Variants in CCDC93 observed in about 807,000 individuals in gnomAD.
CCDC93 encodes the protein CCC complex scaffolding subunit CCDC93, also known as coiled-coil domain-containing protein 93.
A neutral mutation model predicts 108.2 loss-of-function variants in CCDC93; 61 were observed. That is an observed-to-expected ratio of 0.56 (90% CI 0.46 to 0.70). CCDC93 has a LOEUF of 0.70. Ranked by LOEUF, CCDC93 falls within the 30% of genes least tolerant of loss-of-function variation. The probability of loss-of-function intolerance (pLI) is 0.00; values close to 1 mark genes in which losing one functional copy is unlikely to be tolerated. For missense variants in CCDC93, 685 were observed against 764.2 expected, an observed-to-expected ratio of 0.90 and a Z score of 1.22; for synonymous variants, 276 against 260.4, an observed-to-expected ratio of 1.06 and a Z score of -0.58.
rs762009946 is a variant in CCDC93, at chr2:118,014,066, G to A, written c.-71C>T. ...TCCGGAGGAAGCTGTCCCTGCCGCG[G>A]AGCTGCTACCGGGGTGGAGTACAAA... On this transcript the variant is annotated 5_prime_UTR_variant, in exon 1 of 24. Coordinates refer to ENST00000376300, the MANE Select transcript of CCDC93 (RefSeq NM_019044.5). 3.8e-6 allele frequency: 6 copies of A among 1,560,888 alleles called. No homozygotes were observed. In the African/African-American group the frequency reaches 6.8e-5, roughly 18 times the overall value.
At chr2:117,921,469 C>A (rs1677868218) in intron 23 of CCDC93, among the ~76,000 whole-genome samples, 1 of 152,144 alleles carries the variant, frequency 6.6e-6, no homozygotes, top group Non-Finnish European at 1.5e-5. Flanking sequence ...TGGGCAGGGT[C>A]ACAAGGAGTC....
intron 2 of CCDC93, 74 bp downstream of exon 2, chr2:118,008,471 C>T: frequency 1.2e-6 from 1 of 840,170 alleles, no homozygotes; most frequent in Non-Finnish European, 2.0e-6. Context: ...TCATCTTTTC[C>T]TCCTTTCTTT....
At chr2:117,996,406 C>A in intron 4 of CCDC93, 44 bp from the exon 5 acceptor site, 1 of 1,397,320 alleles carries the variant, frequency 7.2e-7, no homozygotes, top group South Asian at 1.2e-5. Flanking sequence ...AGGACAACAT[C>A]CCACTGAAGT....
Position 117,940,315 on chromosome 2 carries a change from G to A in CCDC93, c.1522+874C>T, listed in dbSNP as rs1276127369. Among the ~76,000 whole-genome samples, 5 of 152,184 alleles carry A rather than the reference G, an allele frequency of 3.3e-5. No individual in the cohort carries two copies. The East Asian group carries it at 9.6e-4, about 29-fold the overall frequency. ...GTGGGGTGCCTAGAATAGGTTTACA[G>A]GATCTGAATTGGGTATTGAAGAATT... On this transcript the variant is annotated intron_variant, in intron 19 of 23. Coordinates refer to ENST00000376300, the MANE Select transcript of CCDC93 (RefSeq NM_019044.5).
Position 117,946,838 on chromosome 2 carries a change from A to C in CCDC93, c.1269T>G (p.Ala423=). The part of the protein sequence containing the change: ...RLQQEIENLK[A]ERAPRGDEKT... ...TTTCATCTCCACGTGGTGCTCTCTC[A>C]GCTTTCAGGTTTTCAATTTCTTGCT... Residue 423 remains alanine, a synonymous_variant, in exon 16 of 24, where the codon GCT becomes GCG. Transcript: ENST00000376300. 1 of 1,613,660 alleles carries C rather than the reference A, an allele frequency of 6.2e-7. No individual in the cohort carries two copies. The highest frequency in any genetic ancestry group is 1.7e-4 in the Middle Eastern group (1 of 6,060).
At position 117,972,376 on chromosome 2, in the gene CCDC93, A is replaced by G. The variant is rs1679793718; in HGVS notation, c.888+1532T>C. 2.0e-5 allele frequency among the ~76,000 whole-genome samples: 3 copies of G among 152,220 alleles called. No homozygotes were observed. In the South Asian group the frequency reaches 6.2e-4, roughly 31 times the overall value. On this transcript the variant is annotated intron_variant, in intron 11 of 23. Transcript: ENST00000376300. ...AGATCACTGGTCAAGAGTGAGGAAG[A>G]AAAAGCTTATTAGGAGATAAAGACA...
At chr2:117,931,444 TC>T (rs1396643093) in intron 22 of CCDC93, 2 of 297,686 alleles carry the variant, frequency 6.7e-6, no homozygotes, top group Middle Eastern at 1.1e-3. Context: ...TTGCCCCCCA[TC>T]CCCCACCCGG....
At chr2:117,935,904 G>GGCA (rs1678506014) in intron 21 of CCDC93, 2 of 201,192 alleles carry the variant, frequency 9.9e-6, no homozygotes, top group Admixed American at 5.9e-5. Context: ...TTTGAAATAC[G>GGCA]GCATGTACTG....
At chr2:117,962,794 T>A (rs535820778) in intron 11 of CCDC93, among the ~76,000 whole-genome samples, 35 of 152,374 alleles carry the variant, frequency 2.3e-4, no homozygotes, top group African/African-American at 8.4e-4. Context: ...CCACTGAAGT[T>A]GGCTTTTTTT....
chr2:117,945,630 T>A, intron 16 of CCDC93, 48 bp from the exon 17 acceptor site: 1 of 1,533,370 alleles, frequency 6.5e-7, no homozygotes, highest in Non-Finnish European at 9.0e-7. Context: ...CATTCGGGAA[T>A]AAGACAGAAG....
chr2:118,013,531 C>G (rs1229127377), intron 1 of CCDC93, among the ~76,000 whole-genome samples: 2 of 152,222 alleles, frequency 1.3e-5, no homozygotes, highest in Admixed American at 1.3e-4. Context: ...GGTCACCACC[C>G]GAGCCCGAAC....
intron 23 of CCDC93, among the ~76,000 whole-genome samples, chr2:117,922,762 C>A (rs916134144): frequency 1.1e-4 from 16 of 152,098 alleles, no homozygotes; most frequent in Admixed American, 2.0e-4. Flanking sequence ...ATAGAGGGTG[C>A]TGGAGAAGGC....
Position 117,929,268 on chromosome 2 carries a change from AG to A in CCDC93, c.1842+1768del, listed in dbSNP as rs553108436. Among the ~76,000 whole-genome samples, 36 of 152,354 alleles carry A rather than the reference AG, an allele frequency of 2.4e-4. No individual in the cohort carries two copies. The South Asian group carries it at 7.2e-3, about 31-fold the overall frequency. Reference sequence around the variant, plus strand: ...TAAAACTTAAAGTATAATAAAAAAAAGAAATATGCAAAAACATATTTCATCC... The same window carrying A: ...TAAAACTTAAAGTATAATAAAAAAAAAAATATGCAAAAACATATTTCATCC... On this transcript the variant is annotated intron_variant, in intron 23 of 23. Transcript: ENST00000376300.
chr2:117,940,702 A>G (rs1362977208), intron 19 of CCDC93, among the ~76,000 whole-genome samples: 1 of 152,228 alleles, frequency 6.6e-6, no homozygotes, highest in Non-Finnish European at 1.5e-5. Flanking sequence ...AGGCAATGGC[A>G]GCCTTGAGGG....
chr2:117,967,389 C>T (rs1429135561), intron 11 of CCDC93, among the ~76,000 whole-genome samples: 2 of 152,260 alleles, frequency 1.3e-5, no homozygotes, highest in Non-Finnish European at 2.9e-5. Flanking sequence ...CAAACTTCCA[C>T]GGCTTTCAGC....
At chr2:117,983,201 T>C (rs1050055791) in intron 7 of CCDC93, among the ~76,000 whole-genome samples, 1 of 152,104 alleles carries the variant, frequency 6.6e-6, no homozygotes, top group Non-Finnish European at 1.5e-5. Context: ...CAGAAAGTCA[T>C]TTATTAACCA....
intron 22 of CCDC93, among the ~76,000 whole-genome samples, chr2:117,933,568 C>T (rs750264850): frequency 2.0e-5 from 3 of 152,132 alleles, no homozygotes; most frequent in African/African-American, 7.2e-5. Flanking sequence ...AACACCTATT[C>T]GGTCATTGTT....
Position 118,002,520 on chromosome 2 carries a change from A to C in CCDC93, c.252-1588T>G, listed in dbSNP as rs148386958. ...GTTGGGACCAAGGTTAAAACTGCTG[A>C]GGACAACAGTAATACCCCACTGATC... On this transcript the variant is annotated intron_variant, in intron 3 of 23. Coordinates refer to ENST00000376300, the MANE Select transcript of CCDC93 (RefSeq NM_019044.5). Among the ~76,000 whole-genome samples the C allele has an allele frequency of 1.6e-4, 25 of 152,348 alleles. No homozygotes were observed. In the East Asian group the frequency reaches 4.8e-3, roughly 29 times the overall value.
At chr2:117,941,113 C>G in intron 19 of CCDC93, 76 bp downstream of exon 19, 1 of 1,015,172 alleles carries the variant, frequency 9.9e-7, no homozygotes, top group Middle Eastern at 2.1e-4. Context: ...TGCATGCTCC[C>G]CCATGCTAAA....
Sources: allele counts gnomAD v4.1 joint callset (sites outside exome capture counted in the v4.1 genomes callset), GRCh38; gene constraint gnomAD v4.1.1; transcripts MANE v1.5; gene names NCBI Gene and HGNC (gene_info 2026-07-23, HGNC 2026-07-21).